Variants in CASC3 observed in about 807,000 individuals in gnomAD.
CASC3 encodes protein CASC3.
A neutral mutation model predicts 80.5 loss-of-function variants in CASC3; 30 were observed. The ratio of observed to expected loss-of-function variants is 0.37; its 90% CI spans 0.28 to 0.51. The LOEUF is 0.51. CASC3 is among the 20% of genes least tolerant of loss of function. The pLI, the probability that CASC3 is intolerant of heterozygous loss-of-function variation, is 0.94. For missense variants in CASC3, 824 were observed against 922.2 expected (o/e 0.89, Z 1.38); for synonymous variants, 312 against 333.6 (o/e 0.94, Z 0.70).
At chr17:40,158,657 CA>C (rs1221949809) in intron 3 of CASC3, among the ~76,000 whole-genome samples, 3 of 152,084 alleles carry the variant, frequency 2.0e-5, no homozygotes, top group Admixed American at 6.6e-5. Flanking sequence ...CTTTCTGTGT[CA>C]TGAACAGTGT....
At position 40,163,757 on chromosome 17, in the gene CASC3, A is replaced by G. The variant is rs140344787; in HGVS notation, c.1062A>G (p.Leu354=). 2.5e-6 allele frequency: 4 copies of G among 1,614,174 alleles called. No individual in the cohort carries two copies. The African/African-American group carries it at 5.3e-5, about 22-fold the overall frequency. The change falls in exon 7 of 14, where the codon CTA becomes CTG. Residue 354 remains leucine (L), a synonymous_variant. Coordinates refer to ENST00000264645, the MANE Select transcript of CASC3 (RefSeq NM_007359.5). ...AGATTAGTTACCGGTCACGGCGCCT[A>G]GAGCAGACTTCTGTGAGGGATCCAT... ...KHEISYRSRR[L]EQTSVRDPSP...
chr17:40,160,572 G>A (rs1350134383), intron 3 of CASC3, among the ~76,000 whole-genome samples: 4 of 151,818 alleles, frequency 2.6e-5, no homozygotes, highest in Non-Finnish European at 5.9e-5. Flanking sequence ...GTTAGGTATC[G>A]TATAGTAAGT....
At position 40,141,190 on chromosome 17, in the gene CASC3, C is replaced by T. The variant is rs1451676361; in HGVS notation, c.232-17C>T. On this transcript the variant is annotated splice_polypyrimidine_tract_variant and intron_variant, in intron 1 of 13. Transcript: ENST00000264645. ...TGGAAATCACAGAACTAACCCATGT[C>T]TTCTGCTTTCTTTCAGGAGAGTGAA... 1.2e-6 allele frequency: 2 copies of T among 1,612,876 alleles called. No individual in the cohort carries two copies. The highest frequency in any genetic ancestry group is 1.7e-6 in the Non-Finnish European group (2 of 1,178,924).
In CASC3 at chr17:40,163,857, C is replaced by T. The variant is rs1447355135; in HGVS notation, c.1162C>T (p.Pro388Ser). 1 of 1,614,074 alleles carries T rather than the reference C, an allele frequency of 6.2e-7. No homozygotes were observed. Among genetic ancestry groups the T allele is most frequent in the Non-Finnish European group, 8.5e-7 (1 of 1,180,038 alleles). The change falls in exon 7 of 14, where the codon CCT becomes TCT. Residue 388 changes from proline (P) to serine (S), a missense_variant. Physicochemically the swap from Pro to Ser is moderately conservative, Grantham distance 74. Around this residue, in one of 3 missense-constraint regions of CASC3, gnomAD observed 464 missense variants for 506.0 expected, o/e 0.92. Transcript: ENST00000264645. ...EAASEPPAAA[P>S]DAAPPPPDRP... ...AGCCTCAGAGCCACCAGCTGCTGCT[C>T]CTGATGCTGCACCACCACCCCCTGA...
chr17:40,140,538 T>G lies in CASC3; in HGVS notation c.-11T>G. The G allele has an allele frequency of 6.2e-7, 1 of 1,605,222 alleles. No homozygotes were observed. The highest frequency in any genetic ancestry group is 8.5e-7 in the Non-Finnish European group (1 of 1,179,502). On this transcript the variant is annotated 5_prime_UTR_variant, in exon 1 of 14. Coordinates refer to ENST00000264645, the MANE Select transcript of CASC3 (RefSeq NM_007359.5). ...GTAAGTACCTCGCCGGTGGTGGCCG[T>G]TCTCCGTAAGATGGCGGACCGGCGG...
At chr17:40,164,271 T>C in intron 7 of CASC3, 105 bp downstream of exon 7, 1 of 979,868 alleles carries the variant, frequency 1.0e-6, no homozygotes, top group Non-Finnish European at 1.5e-6. Context: ...AATGTCTACT[T>C]CTTTTTTTTT....
At chr17:40,155,038 C>T (rs1366917902) in intron 3 of CASC3, among the ~76,000 whole-genome samples, 1 of 150,188 alleles carries the variant, frequency 6.7e-6, no homozygotes, top group Non-Finnish European at 1.5e-5. Flanking sequence ...TACAGGCACC[C>T]GCCACCACGC....
chr17:40,167,715 G>A lies in CASC3; in HGVS notation c.1651+103G>A, dbSNP rs184033853. The A allele has an allele frequency of 4.1e-4, 508 of 1,226,826 alleles. 2 individuals carry two copies. The highest frequency in any genetic ancestry group is 9.7e-5 in the Non-Finnish European group (81 of 835,110). The allele number at this position is 1,226,826 out of a possible 1,614,324, so 76.0% of individuals were successfully genotyped here. ...ATTTCTCTTCTGACCTCTTATAGTG[G>A]TTATCAAACATTGTCTGGTTGCTGT... On this transcript the variant is annotated intron_variant, in intron 9 of 13. Transcript: ENST00000264645.
chr17:40,166,729 T>G, intron 7 of CASC3, 68 bp from the exon 8 acceptor site: 2 of 1,047,436 alleles, frequency 1.9e-6, no homozygotes, highest in South Asian at 3.2e-5. Context: ...ACCTGTCTCT[T>G]GATAGTATCT....
At chr17:40,142,302 A>C (rs542395252) in intron 3 of CASC3, among the ~76,000 whole-genome samples, 42 of 152,382 alleles carry the variant, frequency 2.8e-4, no homozygotes, top group African/African-American at 9.1e-4. Context: ...CTTACAACTC[A>C]ATAAGGAAGT....
intron 3 of CASC3, among the ~76,000 whole-genome samples, chr17:40,151,694 CAAAA>C (rs1010260103): frequency 1.9e-5 from 1 of 53,096 alleles, no homozygotes; most frequent in African/African-American, 6.3e-5. Context: ...ACCTTCATCT[CAAAA>C]AAAAAAAAAA....
intron 1 of CASC3, 159 bp from the exon 2 acceptor site, chr17:40,141,048 C>T (rs1988700996): frequency 2.8e-6 from 2 of 715,322 alleles, no homozygotes; most frequent in Non-Finnish European, 2.4e-6. Context: ...GGAAGGAGAC[C>T]AGACCTGCCT....
chr17:40,167,631 T>C lies in CASC3; in HGVS notation c.1651+19T>C, dbSNP rs767041507. On this transcript the variant is annotated intron_variant, in intron 9 of 13. Coordinates refer to ENST00000264645, the MANE Select transcript of CASC3 (RefSeq NM_007359.5). ...GATCCACGTGAGTTTTTTCTTACTG[T>C]TGGGGTACTTTTCTTGGCAGGGTGA... 1.3e-6 allele frequency: 2 copies of C among 1,578,834 alleles called. No individual in the cohort carries two copies. Among genetic ancestry groups the C allele is most frequent in the Non-Finnish European group, 1.7e-6 (2 of 1,148,348 alleles).
chr17:40,166,177 A>G (rs1489782312), intron 7 of CASC3, among the ~76,000 whole-genome samples: 2 of 152,110 alleles, frequency 1.3e-5, no homozygotes, highest in African/African-American at 4.8e-5. Context: ...CATTTTGCCT[A>G]TTGTGGTTTG....
In CASC3 at chr17:40,140,552, G is replaced by A; in HGVS notation, c.4G>A (p.Ala2Thr). M[A>T]DRRRQRASQD... is the part of the protein sequence containing the mutation. ...GGTGGTGGCCGTTCTCCGTAAGATG[G>A]CGGACCGGCGGCGGCAGCGCGCTTC... Residue 2 changes from alanine to threonine, a missense_variant, in exon 1 of 14, where the codon GCG becomes ACG. Physicochemically the swap from Ala to Thr is moderately conservative, Grantham distance 58. This residue lies in a region of CASC3 where 159 missense variants were observed against 122.2 expected (regional missense o/e 1.30). Coordinates refer to ENST00000264645, the MANE Select transcript of CASC3 (RefSeq NM_007359.5). The A allele has an allele frequency of 1.9e-6, 3 of 1,607,128 alleles. No homozygotes were observed. Among genetic ancestry groups the A allele is most frequent in the Non-Finnish European group, 2.5e-6 (3 of 1,179,670 alleles).
chr17:40,152,750 C>T lies in CASC3; in HGVS notation c.298-9003C>T, dbSNP rs534075473. On this transcript the variant is annotated intron_variant, in intron 3 of 13. Transcript: ENST00000264645. ...AAAGTATTAGGATTACAGGCATGAG[C>T]CACCATGCCTGACCAAGTATACAGT... 3.1e-3 allele frequency among the ~76,000 whole-genome samples: 478 copies of T among 152,074 alleles called. 2 individuals carry two copies. Among genetic ancestry groups the T allele is most frequent in the African/African-American group, 9.6e-3 (397 of 41,494 alleles).
chr17:40,159,131 G>C (rs1598427185), intron 3 of CASC3, among the ~76,000 whole-genome samples: 1 of 152,044 alleles, frequency 6.6e-6, no homozygotes, highest in Non-Finnish European at 1.5e-5. Context: ...AGCTACTTGT[G>C]GGGGCTGAGG....
chr17:40,140,909 G>A (rs2145147545), intron 1 of CASC3, 130 bp downstream of exon 1: 1 of 747,950 alleles, frequency 1.3e-6, no homozygotes, highest in African/African-American at 1.8e-5. Context: ...TGAGAGAAAA[G>A]GGGAGTTATC....
At position 40,162,168 on chromosome 17, in the gene CASC3, C is replaced by T. The variant is rs1238120934; in HGVS notation, c.608+15C>T. ...GAGGAAGTCAGGTAAAAGCCACTTGCTGCTGCTGCTGTCTAACATGTATTT... is the reference window on the plus strand; with the variant it reads ...GAGGAAGTCAGGTAAAAGCCACTTGTTGCTGCTGCTGTCTAACATGTATTT... On this transcript the variant is annotated intron_variant, in intron 5 of 13. Coordinates refer to ENST00000264645, the MANE Select transcript of CASC3 (RefSeq NM_007359.5). 1 of 1,598,766 alleles carries T rather than the reference C, an allele frequency of 6.3e-7. No homozygotes were observed. Among genetic ancestry groups the T allele is most frequent in the Admixed American group, 1.7e-5 (1 of 57,586 alleles).
Sources: allele counts gnomAD v4.1 joint callset (sites outside exome capture counted in the v4.1 genomes callset), GRCh38; gene constraint gnomAD v4.1.1; regional missense constraint gnomAD v4.1.1; transcripts MANE v1.5; gene names NCBI Gene and HGNC (gene_info 2026-07-23, HGNC 2026-07-21).